Variants in DMD observed in about 807,000 individuals in gnomAD.
DMD encodes the protein mutant dystrophin.
Under a neutral mutation model 330.1 loss-of-function variants are expected in DMD, and 63 were observed. The ratio of observed to expected loss-of-function variants is 0.19; its 90% CI spans 0.16 to 0.24. The LOEUF is 0.24. Among genes scored for constraint, DMD ranks in the 10% least tolerant of loss-of-function variants. The pLI is 1.00. For synonymous variants in DMD, 1,223 were observed against 959.8 expected (o/e 1.27, Z -5.07); for missense variants, 3,344 against 2,684.1 (o/e 1.25, Z -5.43).
At chrX:31,779,610 C>T (rs1006469104) in intron 50 of DMD, among the ~76,000 whole-genome samples, 6 of 111,545 alleles carry the variant, frequency 5.4e-5, no homozygotes, top group African/African-American at 2.0e-4. Flanking sequence ...TGCTCAATCA[C>T]CTTATGCCAG....
intron 4 of DMD, among the ~76,000 whole-genome samples, chrX:32,839,775 G>A (rs901779178): frequency 9.1e-6 from 1 of 109,585 alleles, no homozygotes; most frequent in African/African-American, 3.3e-5. Flanking sequence ...GCAGTGGCAC[G>A]ATCTCCACTC....
intron 52 of DMD, among the ~76,000 whole-genome samples, chrX:31,726,447 G>C (rs754730685): frequency 3.6e-5 from 4 of 111,918 alleles, no homozygotes; most frequent in Admixed American, 9.5e-5. Flanking sequence ...TCTTTATTTA[G>C]CTGATTTCTT....
At chrX:31,830,281 A>C (rs1282590332) in intron 49 of DMD, among the ~76,000 whole-genome samples, 2 of 112,875 alleles carry the variant, frequency 1.8e-5, no homozygotes, top group South Asian at 3.6e-4. Context: ...AGAATATGTT[A>C]GTCTATTGGG....
chrX:31,358,892 A>C (rs2058796051), intron 60 of DMD, among the ~76,000 whole-genome samples: 1 of 112,074 alleles, frequency 8.9e-6, no homozygotes, highest in South Asian at 3.7e-4. Flanking sequence ...GGGCCTTCTC[A>C]GTTCTGTTCC....
chrX:31,450,927 T>TG (rs1276229150), intron 59 of DMD, among the ~76,000 whole-genome samples: 1 of 110,926 alleles, frequency 9.0e-6, no homozygotes, highest in Non-Finnish European at 1.9e-5. Context: ...TGGAAAGGGG[T>TG]GAAACCATGA....
At chrX:31,528,171 G>GT in intron 55 of DMD, among the ~76,000 whole-genome samples, 1 of 93,962 alleles carries the variant, frequency 1.1e-5, no homozygotes, top group African/African-American at 4.3e-5. Context: ...TATTTCTAAA[G>GT]AACATACTTT....
rs2098138530 is a variant in DMD at position 32,410,801 on chromosome X, T to C, written c.4233+951A>G. Among the ~76,000 whole-genome samples, 3 of 112,588 alleles carry C rather than the reference T, an allele frequency of 2.7e-5. No homozygotes were observed. In the South Asian group the frequency reaches 1.1e-3, roughly 41 times the overall value. On this transcript the variant is annotated intron_variant, in intron 30 of 78. Coordinates refer to ENST00000357033, the MANE Select transcript of DMD (RefSeq NM_004006.3). ...AATGAGAACAGCATTTTAAAAATAC[T>C]TCTTACAGTGAATGTAAATTTAGTT...
chrX:31,837,251 C>G (rs1207481802), intron 48 of DMD, among the ~76,000 whole-genome samples: 2 of 111,713 alleles, frequency 1.8e-5, no homozygotes, highest in African/African-American at 6.5e-5. Context: ...AAATAAATAT[C>G]AAATAATTAT....
intron 57 of DMD, among the ~76,000 whole-genome samples, chrX:31,494,384 A>C (rs2069626183): frequency 9.0e-6 from 1 of 111,547 alleles, no homozygotes; most frequent in Admixed American, 9.6e-5. Flanking sequence ...AAGTTATTAA[A>C]ATTTAGATGA....
chrX:32,849,866 A>G (rs745388983), intron 2 of DMD, 46 bp from the exon 3 acceptor site: 3 of 934,290 alleles, frequency 3.2e-6, no homozygotes, highest in South Asian at 4.0e-5. Context: ...CACACTTCCA[A>G]TGATACATTT....
intron 7 of DMD, among the ~76,000 whole-genome samples, chrX:32,761,299 C>T (rs1340400273): frequency 3.6e-5 from 4 of 111,122 alleles, no homozygotes; most frequent in African/African-American, 1.3e-4. Flanking sequence ...AGTGATAAAT[C>T]GGTGATGCTC....
intron 52 of DMD, among the ~76,000 whole-genome samples, chrX:31,720,080 T>C (rs1390603478): frequency 8.9e-6 from 1 of 112,025 alleles, no homozygotes; most frequent in Non-Finnish European, 1.9e-5. Flanking sequence ...AACAGGTAAC[T>C]ATTCAAACTC....
intron 7 of DMD, among the ~76,000 whole-genome samples, chrX:32,710,875 A>C (rs2065126894): frequency 9.0e-6 from 1 of 111,209 alleles, no homozygotes; most frequent in Admixed American, 9.6e-5. Flanking sequence ...AAATAATGAT[A>C]ATTGTAAAAA....
At chrX:32,705,690 G>T (rs897501700) in intron 7 of DMD, among the ~76,000 whole-genome samples, 2 of 111,764 alleles carry the variant, frequency 1.8e-5, no homozygotes, top group African/African-American at 6.5e-5. Flanking sequence ...TCCGGCACCT[G>T]TTGTTTCCTG....
chrX:32,359,313 T>C (rs1320545848), intron 37 of DMD, among the ~76,000 whole-genome samples: 1 of 112,051 alleles, frequency 8.9e-6, no homozygotes, highest in Admixed American at 9.5e-5. Context: ...CACCAGTGAA[T>C]TTTCAGCATA....
intron 2 of DMD, among the ~76,000 whole-genome samples, chrX:32,963,154 G>A (rs2091972166): frequency 8.9e-6 from 1 of 111,740 alleles, no homozygotes; most frequent in Non-Finnish European, 1.9e-5. Flanking sequence ...GCATACATGT[G>A]TATTGTAGTT....
At chrX:32,580,712 A>C (rs1417959729) in intron 13 of DMD, among the ~76,000 whole-genome samples, 1 of 112,232 alleles carries the variant, frequency 8.9e-6, no homozygotes, top group Non-Finnish European at 1.9e-5. Context: ...AGGACAATTA[A>C]TGATAATTTT....
chrX:31,350,632 T>TGTGAGAGAGA (rs1156358927), intron 60 of DMD, among the ~76,000 whole-genome samples: 1 of 66,697 alleles, frequency 1.5e-5, no homozygotes, highest in African/African-American at 6.1e-5. Context: ...TGTGTGTGTG[T>TGTGAGAGAGA]GAGAGAGAGA....
At chrX:31,375,853 C>T (rs945419285) in intron 60 of DMD, among the ~76,000 whole-genome samples, 2 of 109,164 alleles carry the variant, frequency 1.8e-5, no homozygotes, top group South Asian at 4.0e-4. Context: ...GTAAATTTTA[C>T]ATTATGTGTT....
Sources: allele counts gnomAD v4.1 joint callset (sites outside exome capture counted in the v4.1 genomes callset), GRCh38; gene constraint gnomAD v4.1.1; transcripts MANE v1.5; gene names NCBI Gene and HGNC (gene_info 2026-07-23, HGNC 2026-07-21).